Variants in RERE observed in about 807,000 individuals in gnomAD.
The protein encoded by RERE is arginine-glutamic acid dipeptide repeats protein.
RERE carries 40 observed loss-of-function variants against 146.1 expected under a neutral mutation model. The ratio of observed to expected loss-of-function variants is 0.27; its 90% CI spans 0.21 to 0.36. RERE has a LOEUF of 0.36. Ranked by LOEUF, RERE falls within the 10% of genes least tolerant of loss-of-function variation. The probability of loss-of-function intolerance (pLI) is 1.00; values close to 1 mark genes in which losing one functional copy is unlikely to be tolerated. For missense variants in RERE, 1,933 were observed against 2,138.7 expected, an observed-to-expected ratio of 0.90 and a Z score of 1.90; for synonymous variants, 1,003 against 866.0, an observed-to-expected ratio of 1.16 and a Z score of -2.78.
intron 4 of RERE, among the ~76,000 whole-genome samples, chr1:8,573,665 ATGTT>A (rs1180968607): frequency 2.0e-5 from 3 of 152,180 alleles, no homozygotes; most frequent in Non-Finnish European, 4.4e-5. Context: ...ATTACTCTGA[ATGTT>A]TGGTATCACA....
At position 8,497,564 on chromosome 1, in the gene RERE, C is replaced by T. The variant is rs370762823; in HGVS notation, c.880-35G>A. 5.5e-5 allele frequency: 89 copies of T among 1,611,288 alleles called. No individual in the cohort carries two copies. In the African/African-American group the frequency reaches 6.1e-4, roughly 11 times the overall value. The stretch of plus-strand genomic sequence containing the variant: ...AGGGATGAGTAAGTCACAATCAAGG[C>T]ATGTATTAATTATAAAGAGCTATCT... On this transcript the variant is annotated intron_variant, in intron 8 of 22. Coordinates refer to ENST00000400908, the MANE Select transcript of RERE (RefSeq NM_001042681.2).
chr1:8,531,585 TTTC>T (rs1247225108), intron 7 of RERE, among the ~76,000 whole-genome samples: 11 of 152,242 alleles, frequency 7.2e-5, no homozygotes, highest in African/African-American at 2.7e-4. Context: ...CCTCACATAT[TTTC>T]TTCTTCAAGT....
chr1:8,683,199 T>A (rs1437222239), intron 1 of RERE, among the ~76,000 whole-genome samples: 2 of 152,144 alleles, frequency 1.3e-5, no homozygotes, highest in Non-Finnish European at 2.9e-5. Context: ...GGGGAGAGGA[T>A]GCAGGCCCAG....
chr1:8,359,006 C>G, intron 19 of RERE, 90 bp from the exon 20 acceptor site: 1 of 1,437,594 alleles, frequency 7.0e-7, no homozygotes, highest in South Asian at 1.5e-5. Flanking sequence ...GGTCCTGCTC[C>G]TGGCCTGCTC....
intron 3 of RERE, among the ~76,000 whole-genome samples, chr1:8,617,226 T>G (rs185923411): frequency 1.6e-4 from 24 of 151,194 alleles, no homozygotes; most frequent in Non-Finnish European, 2.7e-4. Flanking sequence ...TGTCTGTAAT[T>G]CCAGCTACTT....
At chr1:8,591,406 G>A (rs1383353332) in intron 4 of RERE, among the ~76,000 whole-genome samples, 4 of 150,362 alleles carry the variant, frequency 2.7e-5, no homozygotes, top group Non-Finnish European at 5.9e-5. Flanking sequence ...ATTGCAAATG[G>A]CCATCAGCAC....
At chr1:8,604,618 GAGGGAGGAAGGAAGGAAGGA>G (rs1404549673) in intron 4 of RERE, among the ~76,000 whole-genome samples, 18 of 66,160 alleles carry the variant, frequency 2.7e-4, no homozygotes, top group African/African-American at 7.6e-4. Flanking sequence ...GGGAGGGAGG[GAGGGAGGAAGGAAGGAAGGA>G]AGGAAGGAAG....
intron 20 of RERE, among the ~76,000 whole-genome samples, chr1:8,357,742 T>C (rs1164368505): frequency 6.6e-6 from 1 of 152,188 alleles, no homozygotes; most frequent in Non-Finnish European, 1.5e-5. Flanking sequence ...CTCGGAAAAC[T>C]CAGCCAAAGC....
In RERE at chr1:8,362,740, G is replaced by A. The variant is rs142221676; in HGVS notation, c.1845C>T (p.Ser615=). 1.6e-4 allele frequency: 264 copies of A among 1,614,108 alleles called. No individual in the cohort carries two copies. Among genetic ancestry groups the A allele is most frequent in the Admixed American group, 1.3e-3 (77 of 60,010 alleles). Residue 615 remains serine (S), a synonymous_variant, in exon 16 of 23, where the codon AGC becomes AGT. Transcript: ENST00000400908. Reference sequence around the variant, plus strand: ...TGTCATTGCTGGAGGTACTGGCAGCGCTGGGGGAGTTCCGGCCGCTGGAGC... The same window carrying A: ...TGTCATTGCTGGAGGTACTGGCAGCACTGGGGGAGTTCCGGCCGCTGGAGC... The part of the protein sequence containing the change: ...DIRSSGRNSP[S]AASTSSNDSK...
chr1:8,378,085 G>A (rs1400598713), intron 12 of RERE, among the ~76,000 whole-genome samples: 1 of 152,148 alleles, frequency 6.6e-6, no homozygotes, highest in Non-Finnish European at 1.5e-5. Flanking sequence ...TCAATACAAA[G>A]AAAGGAAAAG....
intron 1 of RERE, among the ~76,000 whole-genome samples, chr1:8,659,225 CT>C (rs1638399429): frequency 1.3e-5 from 2 of 152,168 alleles, no homozygotes; most frequent in Non-Finnish European, 1.5e-5. Flanking sequence ...CTCGACAAGT[CT>C]TAAGTTTAGA....
At chr1:8,485,594 G>T (rs568089551) in intron 10 of RERE, among the ~76,000 whole-genome samples, 2 of 152,142 alleles carry the variant, frequency 1.3e-5, no homozygotes, top group South Asian at 2.1e-4. Context: ...AAACTAGAGT[G>T]GCTGTATTAA....
chr1:8,530,981 G>A (rs959249117), intron 7 of RERE, among the ~76,000 whole-genome samples: 5 of 152,010 alleles, frequency 3.3e-5, no homozygotes, highest in African/African-American at 4.8e-5. Flanking sequence ...GTGAGCCACC[G>A]CGCCCGGCCT....
At chr1:8,493,357 C>T (rs965576878) in intron 10 of RERE, among the ~76,000 whole-genome samples, 2 of 152,164 alleles carry the variant, frequency 1.3e-5, no homozygotes, top group Admixed American at 6.6e-5. Flanking sequence ...ACTATCCTAT[C>T]GAATCAGTGA....
At chr1:8,703,838 A>C (rs1421026350) in intron 1 of RERE, among the ~76,000 whole-genome samples, 1 of 152,202 alleles carries the variant, frequency 6.6e-6, no homozygotes, top group Non-Finnish European at 1.5e-5. Context: ...ATTTATTTCA[A>C]AGATGCACCG....
intron 1 of RERE, among the ~76,000 whole-genome samples, chr1:8,787,283 C>T (rs1478585021): frequency 6.6e-6 from 1 of 152,186 alleles, no homozygotes; most frequent in East Asian, 1.9e-4. Flanking sequence ...AGGCCTTGTC[C>T]AAATGTCACC....
intron 4 of RERE, among the ~76,000 whole-genome samples, chr1:8,567,442 C>T (rs1425328734): frequency 1.3e-5 from 2 of 152,178 alleles, no homozygotes; most frequent in Admixed American, 1.3e-4. Context: ...TGTACTGAAG[C>T]ACAGGCTCAG....
intron 7 of RERE, among the ~76,000 whole-genome samples, chr1:8,538,068 G>A (rs10492965): frequency 0.16 from 24,922 of 152,146 alleles, 2,361 homozygotes; most frequent in Middle Eastern, 0.29. Flanking sequence ...CTCACTTAAA[G>A]TTCCTGCATT....
At chr1:8,797,497 T>C (rs567118348) in intron 1 of RERE, among the ~76,000 whole-genome samples, 67 of 152,262 alleles carry the variant, frequency 4.4e-4, no homozygotes, top group African/African-American at 1.4e-3. Context: ...GTAGACATAT[T>C]AAGAAATCTC....
Sources: allele counts gnomAD v4.1 joint callset (sites outside exome capture counted in the v4.1 genomes callset), GRCh38; gene constraint gnomAD v4.1.1; transcripts MANE v1.5; gene names NCBI Gene and HGNC (gene_info 2026-07-23, HGNC 2026-07-21).